Variants in CFAP43 observed in about 807,000 individuals in gnomAD.
CFAP43 encodes the protein cilia- and flagella-associated protein 43.
In CFAP43, 155 loss-of-function variants were observed where a neutral mutation model predicts 218.9. That is an observed-to-expected ratio of 0.71 (90% CI 0.62 to 0.81). The LOEUF is 0.81. Ranked by LOEUF, CFAP43 falls within the 30% of genes least tolerant of loss-of-function variation. CFAP43 has a pLI of 0.00. For synonymous variants in CFAP43, 645 were observed against 681.3 expected (o/e 0.95, Z 0.83); for missense variants, 1,778 against 1,954.3 (o/e 0.91, Z 1.70).
At chr10:104,222,583 C>T (rs1024545438) in intron 3 of CFAP43, among the ~76,000 whole-genome samples, 1 of 152,200 alleles carries the variant, frequency 6.6e-6, no homozygotes, top group African/African-American at 2.4e-5. Context: ...CCTCCCCTGC[C>T]CTCCTCACTC....
chr10:104,148,964 A>G (rs531224368), intron 28 of CFAP43, among the ~76,000 whole-genome samples: 19 of 152,358 alleles, frequency 1.2e-4, no homozygotes, highest in African/African-American at 4.6e-4. Flanking sequence ...TACCTACGTA[A>G]CAAACCTATA....
At chr10:104,146,122 A>G (rs117137082) in intron 30 of CFAP43, 141 bp downstream of exon 30, 7,064 of 593,704 alleles carry the variant, frequency 0.012, 72 homozygotes, top group Admixed American at 0.015. Flanking sequence ...ACAATGGCAT[A>G]GAATGAAGTT....
intron 3 of CFAP43, among the ~76,000 whole-genome samples, chr10:104,224,783 A>G (rs1589818757): frequency 6.6e-6 from 1 of 151,092 alleles, no homozygotes; most frequent in East Asian, 1.9e-4. Flanking sequence ...AAAAATTTAC[A>G]TAAACTAAAT....
At chr10:104,141,582 G>T (rs2087707750) in intron 33 of CFAP43, among the ~76,000 whole-genome samples, 1 of 152,164 alleles carries the variant, frequency 6.6e-6, no homozygotes, top group Non-Finnish European at 1.5e-5. Flanking sequence ...CTGCACTCCA[G>T]CTTGTGTGAC....
At chr10:104,177,891 A>G (rs538536811) in intron 19 of CFAP43, among the ~76,000 whole-genome samples, 2 of 152,322 alleles carry the variant, frequency 1.3e-5, no homozygotes, top group South Asian at 4.1e-4. Context: ...ATGTAGGATA[A>G]TCACATTTTA....
At chr10:104,161,232 G>T (rs1296800871) in intron 26 of CFAP43, 70 bp from the exon 27 acceptor site, 2 of 1,497,546 alleles carry the variant, frequency 1.3e-6, no homozygotes, top group Admixed American at 2.2e-5. Flanking sequence ...AAAGCTCAGA[G>T]TTTTTTTTAA....
At chr10:104,142,225 G>A in intron 33 of CFAP43, 56 bp downstream of exon 33, 1 of 1,456,282 alleles carries the variant, frequency 6.9e-7, no homozygotes, top group Non-Finnish European at 9.5e-7. Flanking sequence ...AACACAACCT[G>A]ATTTAGCCCT....
In CFAP43 at chr10:104,145,494, A is replaced by G; in HGVS notation, c.3926T>C (p.Leu1309Pro). ...PGHQVDILYK[L>P]FKRRPRISKQ... ...AACAAACCTTGGTCGGCGTTTAAAA[A>G]GTTTGTAGAGTATATCCACTTGATG... Residue 1309 changes from leucine (L) to proline (P), a missense_variant, in exon 31 of 38, where the codon CTT becomes CCT. Leu to Pro is a moderately conservative substitution (Grantham distance 98). Around this residue, in one of 3 missense-constraint regions of CFAP43, gnomAD observed 1,553 missense variants for 1,685.2 expected, o/e 0.92. Coordinates refer to ENST00000357060, the MANE Select transcript of CFAP43 (RefSeq NM_025145.7). 1 of 1,598,876 alleles carries G rather than the reference A, an allele frequency of 6.3e-7. No homozygotes were observed. Among genetic ancestry groups the G allele is most frequent in the Non-Finnish European group, 8.6e-7 (1 of 1,169,076 alleles).
intron 17 of CFAP43, among the ~76,000 whole-genome samples, chr10:104,180,469 G>A (rs187279030): frequency 1.7e-3 from 236 of 139,742 alleles, no homozygotes; most frequent in African/African-American, 6.0e-3. Context: ...TTTTTGAGAC[G>A]GAGTCTTGCT....
chr10:104,141,797 G>T (rs1234231581), intron 33 of CFAP43, among the ~76,000 whole-genome samples: 1 of 152,128 alleles, frequency 6.6e-6, no homozygotes, highest in African/African-American at 2.4e-5. Context: ...GAACATCAGA[G>T]AAGTATTTAT....
intron 34 of CFAP43, among the ~76,000 whole-genome samples, chr10:104,140,384 T>C (rs1418901815): frequency 6.6e-6 from 1 of 152,194 alleles, no homozygotes; most frequent in African/African-American, 2.4e-5. Flanking sequence ...TTTATAAAGT[T>C]CTTCAAATGA....
intron 34 of CFAP43, among the ~76,000 whole-genome samples, chr10:104,140,373 A>G (rs1410705920): frequency 6.6e-6 from 1 of 152,226 alleles, no homozygotes; most frequent in African/African-American, 2.4e-5. Context: ...GTCTGAGCAC[A>G]TTTATAAAGT....
chr10:104,167,862 T>A (rs1018717214), intron 21 of CFAP43, 125 bp from the exon 22 acceptor site: 59 of 600,018 alleles, frequency 9.8e-5, no homozygotes, highest in African/African-American at 9.4e-4. Flanking sequence ...TTAGTAAAAT[T>A]GACAATGGAA....
At position 104,143,414 on chromosome 10, in the gene CFAP43, A is replaced by C. The variant is rs1235501253; in HGVS notation, c.4158+12T>G. On this transcript the variant is annotated intron_variant, in intron 32 of 37. Transcript: ENST00000357060. ...TACACTAAAAATTAAATTAAGTTAA[A>C]ATAGTATATACTTTCTGTTCATTTT... 1 of 1,606,366 alleles carries C rather than the reference A, an allele frequency of 6.2e-7. No individual in the cohort carries two copies. The highest frequency in any genetic ancestry group is 1.3e-5 in the African/African-American group (1 of 74,500).
chr10:104,148,872 AT>A (rs548724886), intron 28 of CFAP43, among the ~76,000 whole-genome samples: 7 of 152,174 alleles, frequency 4.6e-5, no homozygotes, highest in African/African-American at 9.6e-5. Context: ...CTTATTCATA[AT>A]TTTTTTTCAT....
At position 104,218,879 on chromosome 10, in the gene CFAP43, G is replaced by A. The variant is rs568841098; in HGVS notation, c.417-4453C>T. The A allele has an allele frequency of 4.4e-4, 221 of 502,602 alleles. 3 individuals carry two copies. Among genetic ancestry groups the A allele is most frequent in the South Asian group, 3.1e-3 (207 of 66,842 alleles). 31.1% of individuals were successfully genotyped at this position (502,602 alleles called of 1,614,324 possible). On this transcript the variant is annotated intron_variant, in intron 3 of 37. Transcript: ENST00000357060. ...TGAGAGAAACACCCTAGGAACAGCC[G>A]AGCAGCATGACAGCGGGAGACTGGA...
intron 27 of CFAP43, among the ~76,000 whole-genome samples, chr10:104,158,421 C>A (rs1349575327): frequency 2.0e-5 from 3 of 152,160 alleles, no homozygotes; most frequent in African/African-American, 7.2e-5. Flanking sequence ...GAAGACACAG[C>A]ATCATCTACT....
intron 35 of CFAP43, 23 bp downstream of exon 35, chr10:104,133,597 G>A (rs780575028): frequency 6.9e-6 from 11 of 1,601,422 alleles, no homozygotes; most frequent in Non-Finnish European, 9.4e-6. Flanking sequence ...TTAAAACTAT[G>A]TAGGGGGGTA....
rs74787908 is a variant in CFAP43 at position 104,146,440 on chromosome 10, C to G, written c.3769-91G>C. The stretch of plus-strand genomic sequence containing the variant: ...GATACTAAAAAGAGCAAGGAATTTC[C>G]TAGTACAAGAGAAATATGTCTGTGA... On this transcript the variant is annotated intron_variant, in intron 29 of 37. Transcript: ENST00000357060. 30 of 924,628 alleles carry G rather than the reference C, an allele frequency of 3.2e-5. No homozygotes were observed. In the East Asian group the frequency reaches 7.1e-4, roughly 22 times the overall value. The allele number at this position is 924,628 out of a possible 1,614,324, so 57.3% of individuals were successfully genotyped here.
Sources: gnomAD v4.1 joint callset for allele counts (sites outside exome capture counted in the v4.1 genomes callset) on GRCh38, gnomAD v4.1.1 for gene constraint, gnomAD v4.1.1 regional missense constraint, MANE v1.5 for transcripts, NCBI Gene and HGNC (gene_info 2026-07-23, HGNC 2026-07-21) for gene names.